The following LAS1L variants were observed in gnomAD, a reference collection of about 807,000 sequenced individuals.
The protein encoded by LAS1L is ribosomal biogenesis protein LAS1L.
Under a neutral mutation model 57.3 loss-of-function variants are expected in LAS1L, and 5 were observed. That is an observed-to-expected ratio of 0.09 (90% CI 0.05 to 0.18). The LOEUF is 0.18. Among genes scored for constraint, LAS1L ranks in the 10% least tolerant of loss-of-function variants. The pLI is 1.00. For synonymous variants in LAS1L, 245 were observed against 231.7 expected (o/e 1.06, Z -0.52); for missense variants, 360 against 568.3 (o/e 0.63, Z 3.73).
rs113448060 is a variant in LAS1L, at chrX:65,528,591, A to G, written c.847-222T>C. Among the ~76,000 whole-genome samples the G allele has an allele frequency of 5.3e-4, 59 of 112,167 alleles. 1 individual carries two copies. The highest frequency in any genetic ancestry group is 1.8e-3 in the African/African-American group (55 of 30,922). The stretch of plus-strand genomic sequence containing the variant: ...TCCTTCTCCCTCCCTTCCTCCTCCA[A>G]CTGAATTTCCTGTGGGTAAATACTG... On this transcript the variant is annotated intron_variant, in intron 6 of 13. Transcript: ENST00000374811.
At chrX:65,522,057 T>C in intron 11 of LAS1L, 1 of 113,389 alleles carries the variant, frequency 8.8e-6, no homozygotes. Context: ...GGCACGTTCC[T>C]AGGTTGAAGA....
intron 11 of LAS1L, chrX:65,522,440 G>A (rs1289735735): frequency 9.0e-6 from 1 of 110,607 alleles, no homozygotes; most frequent in African/African-American, 3.3e-5. Context: ...CCTCTGCAGT[G>A]GCAGCAATCC....
chrX:65,531,542 A>T (rs983164588), intron 3 of LAS1L, 104 bp from the exon 4 acceptor site: 1 of 520,244 alleles, frequency 1.9e-6, no homozygotes, highest in Non-Finnish European at 3.3e-6. Context: ...CCCATTTTAC[A>T]ACTAGAGAAA....
intron 11 of LAS1L, chrX:65,523,042 G>C (rs2068941937): frequency 8.9e-6 from 1 of 112,706 alleles, no homozygotes; most frequent in Non-Finnish European, 1.9e-5. Context: ...AACCCAGGGT[G>C]GATAGGGTAA....
rs56718186 is a variant in LAS1L, at chrX:65,514,534, GCACACA to G, written c.2078+283_2078+288del. ...CCTCCCAAAATGTGTGTGTGTGCCTGCACACACACACACACACACACACACACACAC... is the reference window on the plus strand; with the variant it reads ...CCTCCCAAAATGTGTGTGTGTGCCTGCACACACACACACACACACACACAC... On this transcript the variant is annotated intron_variant, in intron 13 of 13. Transcript: ENST00000374811. Among the ~76,000 whole-genome samples the G allele has an allele frequency of 1.9e-3, 171 of 88,809 alleles. 1 individual carries two copies. Among genetic ancestry groups the G allele is most frequent in the South Asian group, 6.8e-3 (11 of 1,611 alleles). 77.1% of individuals were successfully genotyped at this position (88,809 alleles called of 115,157 possible). A position where few individuals can be genotyped will look rare whatever the true frequency, so the allele number is the denominator to read the frequency against.
chrX:65,533,769 G>A (rs2069628681), intron 1 of LAS1L, 34 bp from the exon 2 acceptor site: 2 of 1,199,604 alleles, frequency 1.7e-6, no homozygotes, highest in South Asian at 1.8e-5. Context: ...ATCATAAAGA[G>A]CCCTTACACT....
Position 65,534,785 on chromosome X carries a change from T to A in LAS1L, c.-70A>T, listed in dbSNP as rs1002797662. 1.1e-6 allele frequency: 1 copy of A among 879,008 alleles called. No individual in the cohort carries two copies. Among genetic ancestry groups the A allele is most frequent in the Non-Finnish European group, 1.6e-6 (1 of 627,844 alleles). 72.4% of individuals were successfully genotyped at this position (879,008 alleles called of 1,213,427 possible). ...CTTCAGCTCAGCGTGCTACCCTCAC[T>A]CCGAACCGCCACCGCACCAGCAGCC... On this transcript the variant is annotated 5_prime_UTR_variant, in exon 1 of 14. Transcript: ENST00000374811.
At position 65,512,716 on chromosome X, in the gene LAS1L, C is replaced by G. The variant is rs1029033573; in HGVS notation, c.*59G>C. 206 of 1,128,351 alleles carry G rather than the reference C, an allele frequency of 1.8e-4. No individual in the cohort carries two copies. Among genetic ancestry groups the G allele is most frequent in the Non-Finnish European group, 2.2e-4 (186 of 848,879 alleles). 93.0% of individuals were successfully genotyped at this position (1,128,351 alleles called of 1,213,427 possible). On this transcript the variant is annotated 3_prime_UTR_variant, in exon 14 of 14. Coordinates refer to ENST00000374811, the MANE Select transcript of LAS1L (RefSeq NM_031206.7). The stretch of plus-strand genomic sequence containing the variant: ...GTTGTCTCAGGGAGCATCAGTTGTA[C>G]TAGGGGGTGGGCTGTTGCCCTGGCA...
intron 13 of LAS1L, among the ~76,000 whole-genome samples, chrX:65,513,200 C>A (rs2068508285): frequency 8.9e-6 from 1 of 111,940 alleles, no homozygotes; most frequent in Non-Finnish European, 1.9e-5. Context: ...GGGAGGGGGC[C>A]CCACATAACC....
chrX:65,527,174 C>G lies in LAS1L; in HGVS notation c.956+1086G>C, dbSNP rs192047791. ...GTTGCAGTGAGCCAAGATCGTGCCA[C>G]TGCACTGCAGCGTGGGCAATAGCGA... is the stretch of plus-strand genomic sequence containing the variant. On this transcript the variant is annotated intron_variant, in intron 7 of 13. Transcript: ENST00000374811. Among the ~76,000 whole-genome samples, 14 of 85,345 alleles carry G rather than the reference C, an allele frequency of 1.6e-4. No individual in the cohort carries two copies. In the East Asian group the frequency reaches 4.6e-3, roughly 28 times the overall value. 74.1% of individuals were successfully genotyped at this position (85,345 alleles called of 115,157 possible).
intron 10 of LAS1L, 27 bp from the exon 11 acceptor site, chrX:65,523,734 G>T: frequency 2.6e-6 from 3 of 1,151,726 alleles, no homozygotes; most frequent in Non-Finnish European, 3.5e-6. Context: ...GATCTAAGGA[G>T]AAGGAAGCAG....
chrX:65,519,152 G>A (rs1346982778), intron 11 of LAS1L, among the ~76,000 whole-genome samples: 1 of 111,902 alleles, frequency 8.9e-6, no homozygotes. Context: ...AGGGCTTTGT[G>A]CAGGAGGTAG....
chrX:65,518,126 A>T lies in LAS1L; in HGVS notation c.1788T>A (p.Asp596Glu), dbSNP rs771590533. 8.3e-7 allele frequency: 1 copy of T among 1,199,632 alleles called. No homozygotes were observed. Among genetic ancestry groups the T allele is most frequent in the South Asian group, 1.8e-5 (1 of 56,646 alleles). Residue 596 changes from aspartate to glutamate, a missense_variant, in exon 12 of 14, where the codon GAT (aspartate) becomes GAA (glutamate). Asp to Glu is a conservative substitution (Grantham distance 45, BLOSUM62 2). Coordinates refer to ENST00000374811, the MANE Select transcript of LAS1L (RefSeq NM_031206.7). ...DDQEEEEEDE[D>E]DEDDEEEDRM... Reference sequence around the variant, plus strand: ...TGTCTTCCTCTTCATCATCTTCATCATCTTCATCCTCCTCTTCCTCCTCTT... The same window carrying T: ...TGTCTTCCTCTTCATCATCTTCATCTTCTTCATCCTCCTCTTCCTCCTCTT...
intron 10 of LAS1L, 54 bp downstream of exon 10, chrX:65,524,002 G>C: frequency 9.1e-7 from 1 of 1,093,968 alleles, no homozygotes. Context: ...GACAGTGGCA[G>C]AGGCTCCTGC....
intron 12 of LAS1L, among the ~76,000 whole-genome samples, chrX:65,515,331 T>G (rs1315420676): frequency 3.6e-5 from 4 of 110,807 alleles, no homozygotes; most frequent in Non-Finnish European, 5.7e-5. Context: ...TCTTCACCCC[T>G]ATTTCCCTGT....
At chrX:65,522,528 A>G (rs2068902784) in intron 11 of LAS1L, 1 of 111,191 alleles carries the variant, frequency 9.0e-6, no homozygotes, top group African/African-American at 3.3e-5. Flanking sequence ...GGGAGGATCA[A>G]TTCCAGCTCA....
At chrX:65,520,120 C>T (rs777387424) in intron 11 of LAS1L, among the ~76,000 whole-genome samples, 9 of 111,568 alleles carry the variant, frequency 8.1e-5, no homozygotes, top group African/African-American at 2.9e-4. Context: ...CACTAAGGTG[C>T]GGGGGTGATG....
At chrX:65,523,079 C>A (rs753282280) in intron 11 of LAS1L, 2 of 113,163 alleles carry the variant, frequency 1.8e-5, no homozygotes, top group South Asian at 7.5e-4. Flanking sequence ...GTATGGCTAC[C>A]ATGGTAAGTT....
intron 9 of LAS1L, 69 bp from the exon 10 acceptor site, chrX:65,524,331 A>G (rs1402559460): frequency 2.2e-5 from 18 of 804,427 alleles, no homozygotes; most frequent in Non-Finnish European, 3.3e-5. Flanking sequence ...CGAAAGAGAG[A>G]GCAAGAGACA....
Sources: gnomAD v4.1 joint callset for allele counts (sites outside exome capture counted in the v4.1 genomes callset) on GRCh38, gnomAD v4.1.1 for gene constraint, MANE v1.5 for transcripts, NCBI Gene and HGNC (gene_info 2026-07-23, HGNC 2026-07-21) for gene names.